Variants in AGBL1 observed in about 807,000 individuals in gnomAD.
AGBL1 encodes the protein AGBL carboxypeptidase 1.
Under a neutral mutation model 118.9 loss-of-function variants are expected in AGBL1, and 130 were observed. The ratio of observed to expected loss-of-function variants is 1.09; its 90% CI spans 0.95 to 1.26. AGBL1 has a LOEUF of 1.26. AGBL1 is among the 50% of genes most tolerant of loss of function. AGBL1 has a pLI of 0.00. For missense variants in AGBL1, 1,584 were observed against 1,298.1 expected, an observed-to-expected ratio of 1.22 and a Z score of -3.38; for synonymous variants, 555 against 478.9, an observed-to-expected ratio of 1.16 and a Z score of -2.08.
chr15:86,909,684 C>T lies in AGBL1; in HGVS notation c.*2390C>T, dbSNP rs2080324426. 1 of 152,162 alleles carries T rather than the reference C, an allele frequency of 6.6e-6. No homozygotes were observed. Among genetic ancestry groups the T allele is most frequent in the Non-Finnish European group, 1.5e-5 (1 of 68,020 alleles). 9.4% of individuals were successfully genotyped at this position (152,162 alleles called of 1,614,324 possible). Reference sequence around the variant, plus strand: ...TCCTCCCATATTTAATCTTTCCACTCTTAAATAAAGGCTAGCATAATGGTG... The same window carrying T: ...TCCTCCCATATTTAATCTTTCCACTTTTAAATAAAGGCTAGCATAATGGTG... On this transcript the variant is annotated 3_prime_UTR_variant, in exon 23 of 23. Transcript: ENST00000614907.
At chr15:86,829,730 A>G (rs1049376162) in intron 22 of AGBL1, among the ~76,000 whole-genome samples, 4 of 152,208 alleles carry the variant, frequency 2.6e-5, no homozygotes, top group African/African-American at 9.6e-5. Flanking sequence ...AGATATAGTC[A>G]CAGACCTGTA....
At chr15:86,759,546 TAATC>T (rs1020706994) in intron 22 of AGBL1, among the ~76,000 whole-genome samples, 11 of 152,124 alleles carry the variant, frequency 7.2e-5, no homozygotes, top group African/African-American at 2.7e-4. Flanking sequence ...ATTTAAGAAT[TAATC>T]AATGTTAATT....
chr15:86,536,465 C>G (rs139253094), intron 19 of AGBL1, among the ~76,000 whole-genome samples: 33 of 152,228 alleles, frequency 2.2e-4, no homozygotes, highest in African/African-American at 2.9e-4. Context: ...CACGTGCCAC[C>G]ACACCTGGCT....
chr15:86,456,970 T>G (rs2082268185), intron 18 of AGBL1, among the ~76,000 whole-genome samples: 1 of 152,164 alleles, frequency 6.6e-6, no homozygotes, highest in Non-Finnish European at 1.5e-5. Flanking sequence ...TCCTTATGGA[T>G]TCATTTCAAA....
intron 21 of AGBL1, among the ~76,000 whole-genome samples, chr15:86,578,801 C>CA (rs1186298735): frequency 6.6e-6 from 1 of 152,172 alleles, no homozygotes; most frequent in Non-Finnish European, 1.5e-5. Context: ...CCTTGCCTTT[C>CA]ACCATGACTG....
intron 18 of AGBL1, among the ~76,000 whole-genome samples, chr15:86,456,818 A>G (rs2082265387): frequency 6.6e-6 from 1 of 152,174 alleles, no homozygotes; most frequent in Non-Finnish European, 1.5e-5. Flanking sequence ...GATTGGTTTT[A>G]TAAAATAGAG....
chr15:86,939,416 C>T (rs996444672), intron 23 of AGBL1, among the ~76,000 whole-genome samples: 1 of 152,174 alleles, frequency 6.6e-6, no homozygotes, highest in East Asian at 1.9e-4. Context: ...CCAATGATTT[C>T]CCAGGGGCCC....
chr15:86,279,791 C>A lies in AGBL1; in HGVS notation c.2220+8C>A, dbSNP rs2079319637. Reference sequence around the variant, plus strand: ...ACCTACACAGCCCTCATGGTAACTTCCTCTTTATAGCATCACTCCAGCAGG... The same window carrying A: ...ACCTACACAGCCCTCATGGTAACTTACTCTTTATAGCATCACTCCAGCAGG... On this transcript the variant is annotated splice_region_variant and intron_variant, in intron 16 of 22. Transcript: ENST00000614907. 1 of 1,613,298 alleles carries A rather than the reference C, an allele frequency of 6.2e-7. No homozygotes were observed. The highest frequency in any genetic ancestry group is 8.5e-7 in the Non-Finnish European group (1 of 1,179,508).
intron 22 of AGBL1, among the ~76,000 whole-genome samples, chr15:86,677,506 T>C (rs1177456876): frequency 6.6e-6 from 1 of 152,176 alleles, no homozygotes; most frequent in East Asian, 1.9e-4. Flanking sequence ...TTGTGACAGG[T>C]CTTTTGCAAA....
chr15:86,262,149 C>T (rs2079001287), intron 9 of AGBL1, among the ~76,000 whole-genome samples: 1 of 134,978 alleles, frequency 7.4e-6, no homozygotes, highest in Non-Finnish European at 1.5e-5. Context: ...CTGAGATCTC[C>T]TAATCCAAAC....
chr15:86,928,309 C>G (rs1241829427), intron 23 of AGBL1, among the ~76,000 whole-genome samples: 1 of 152,108 alleles, frequency 6.6e-6, no homozygotes, highest in Non-Finnish European at 1.5e-5. Context: ...CAGAGAGAAG[C>G]AAAGGCAGAG....
intron 22 of AGBL1, among the ~76,000 whole-genome samples, chr15:86,774,220 G>A (rs1215253454): frequency 6.6e-6 from 1 of 151,976 alleles, no homozygotes; most frequent in East Asian, 1.9e-4. Context: ...ACTGAAATCA[G>A]GAGTTTCTGA....
At chr15:86,219,592 A>G (rs1446148109) in intron 5 of AGBL1, among the ~76,000 whole-genome samples, 1 of 152,126 alleles carries the variant, frequency 6.6e-6, no homozygotes, top group Non-Finnish European at 1.5e-5. Context: ...CCTGCCACTC[A>G]AAGATGCCTG....
intron 21 of AGBL1, among the ~76,000 whole-genome samples, chr15:86,588,081 A>G (rs1161134829): frequency 1.3e-5 from 2 of 152,244 alleles, no homozygotes; most frequent in Non-Finnish European, 2.9e-5. Flanking sequence ...GTAAAGGTAT[A>G]AGTAATGCTT....
At chr15:86,182,229 C>T (rs2077562723) in intron 5 of AGBL1, among the ~76,000 whole-genome samples, 2 of 151,872 alleles carry the variant, frequency 1.3e-5, no homozygotes, top group African/African-American at 4.8e-5. Context: ...ATATCTTGTC[C>T]ACTTTTGTTC....
chr15:86,385,672 A>T (rs2081173612), intron 17 of AGBL1, among the ~76,000 whole-genome samples: 1 of 152,132 alleles, frequency 6.6e-6, no homozygotes, highest in South Asian at 2.1e-4. Context: ...ACAGAAGATG[A>T]TATCCAATAA....
At chr15:86,808,405 T>C (rs1414798225) in intron 22 of AGBL1, among the ~76,000 whole-genome samples, 2 of 152,208 alleles carry the variant, frequency 1.3e-5, no homozygotes, top group Non-Finnish European at 2.9e-5. Flanking sequence ...AAATAAGTTC[T>C]TGTATCCACA....
At chr15:87,003,598 A>T (rs1043336199) in intron 24 of AGBL1, among the ~76,000 whole-genome samples, 1 of 152,098 alleles carries the variant, frequency 6.6e-6, no homozygotes, top group Non-Finnish European at 1.5e-5. Context: ...CTGTGAATCC[A>T]TCTGGTCCTG....
intron 19 of AGBL1, among the ~76,000 whole-genome samples, chr15:86,536,258 A>G (rs2083424692): frequency 1.3e-5 from 2 of 152,202 alleles, no homozygotes; most frequent in South Asian, 4.1e-4. Context: ...TGCTCTCAAC[A>G]GTGTCTTCAA....
Sources: gnomAD v4.1 joint callset for allele counts (sites outside exome capture counted in the v4.1 genomes callset) on GRCh38, gnomAD v4.1.1 for gene constraint, MANE v1.5 for transcripts, NCBI Gene and HGNC (gene_info 2026-07-23, HGNC 2026-07-21) for gene names.